Variants in DHRSX observed in about 807,000 individuals in gnomAD.
The protein encoded by DHRSX is dehydrogenase/reductase X-linked, also known as polyprenol dehydrogenase.
DHRSX carries 31 observed loss-of-function variants against 34.0 expected under a neutral mutation model. That is an observed-to-expected ratio of 0.91 (90% CI 0.69 to 1.23). DHRSX has a LOEUF of 1.23. Among genes scored for constraint, DHRSX ranks in the 50% most tolerant of loss-of-function variants. The pLI, the probability that DHRSX is intolerant of heterozygous loss-of-function variation, is 0.00. For synonymous variants in DHRSX, 201 were observed against 183.8 expected, an observed-to-expected ratio of 1.09 and a Z score of -0.76; for missense variants, 414 against 428.1, an observed-to-expected ratio of 0.97 and a Z score of 0.29.
At chrX:2,311,137 G>A (rs1469794222) in intron 3 of DHRSX, among the ~76,000 whole-genome samples, 3 of 151,668 alleles carry the variant, frequency 2.0e-5, no homozygotes, top group African/African-American at 4.8e-5. Flanking sequence ...GAGAGACAGA[G>A]AGAGAGAAAG....
chrX:2,379,195 G>A (rs766314885), intron 3 of DHRSX, among the ~76,000 whole-genome samples: 4 of 152,240 alleles, frequency 2.6e-5, no homozygotes, highest in African/African-American at 9.6e-5. Context: ...AGAGTCCCCT[G>A]TAAATGAATG....
intron 3 of DHRSX, among the ~76,000 whole-genome samples, chrX:2,385,214 C>T (rs1042168515): frequency 6.6e-6 from 1 of 151,990 alleles, no homozygotes; most frequent in African/African-American, 2.4e-5. Context: ...TCACCATCAT[C>T]ACCATCATCA....
chrX:2,384,938 A>G (rs2043252516), intron 3 of DHRSX, among the ~76,000 whole-genome samples: 1 of 148,842 alleles, frequency 6.7e-6, no homozygotes. Context: ...TTTAAAAAAA[A>G]AAAGAAAAAA....
intron 3 of DHRSX, among the ~76,000 whole-genome samples, chrX:2,297,562 G>A (rs973783253): frequency 2.6e-5 from 4 of 152,086 alleles, no homozygotes; most frequent in African/African-American, 4.8e-5. Flanking sequence ...GACATTAAAG[G>A]TTTTCAAATG....
intron 3 of DHRSX, among the ~76,000 whole-genome samples, chrX:2,395,098 C>T (rs748584429): frequency 2.6e-5 from 4 of 152,194 alleles, no homozygotes; most frequent in Admixed American, 2.0e-4. Context: ...AAAGATAAGC[C>T]ATCACTGGGG....
intron 3 of DHRSX, among the ~76,000 whole-genome samples, chrX:2,358,428 T>C (rs900229030): frequency 2.0e-5 from 3 of 152,248 alleles, no homozygotes; most frequent in African/African-American, 7.2e-5. Flanking sequence ...CCGGGCGCGG[T>C]GGCTCACACC....
At chrX:2,312,064 C>A (rs1482648521) in intron 3 of DHRSX, among the ~76,000 whole-genome samples, 1 of 152,128 alleles carries the variant, frequency 6.6e-6, no homozygotes, top group African/African-American at 2.4e-5. Flanking sequence ...GCTGCAAGCA[C>A]TGTAAGCTGT....
chrX:2,285,155 T>G (rs1304164427), intron 4 of DHRSX, among the ~76,000 whole-genome samples: 1 of 152,198 alleles, frequency 6.6e-6, no homozygotes, highest in Non-Finnish European at 1.5e-5. Flanking sequence ...GGTTTTGGGA[T>G]GATTCCGGGG....
At chrX:2,366,894 A>C (rs1050898459) in intron 3 of DHRSX, among the ~76,000 whole-genome samples, 5 of 151,874 alleles carry the variant, frequency 3.3e-5, no homozygotes, top group African/African-American at 1.2e-4. Flanking sequence ...GCCACCATGG[A>C]TCATTCGTGT....
intron 3 of DHRSX, among the ~76,000 whole-genome samples, chrX:2,340,471 T>C (rs2042627462): frequency 6.6e-6 from 1 of 151,980 alleles, no homozygotes; most frequent in Admixed American, 6.6e-5. Flanking sequence ...TATATATATA[T>C]ATGATGTCCA....
intron 1 of DHRSX, chrX:2,489,681 C>G (rs990528676): frequency 1.2e-6 from 2 of 1,612,512 alleles, no homozygotes; most frequent in Non-Finnish European, 1.7e-6. Flanking sequence ...CGGTTGCTCA[C>G]CAGCATGCAG....
intron 4 of DHRSX, among the ~76,000 whole-genome samples, chrX:2,274,462 G>A (rs1193028132): frequency 7.3e-5 from 11 of 150,352 alleles, no homozygotes; most frequent in Non-Finnish European, 7.4e-5. Flanking sequence ...TGTTGCCCAG[G>A]CTGGATTGCA....
intron 1 of DHRSX, chrX:2,487,269 A>T (rs2044965747): frequency 6.6e-6 from 1 of 152,206 alleles, no homozygotes; most frequent in Non-Finnish European, 1.5e-5. Context: ...CGGTAATCAA[A>T]TCAAAAACAC....
At chrX:2,345,665 A>G (rs1343752650) in intron 3 of DHRSX, among the ~76,000 whole-genome samples, 1 of 151,612 alleles carries the variant, frequency 6.6e-6, no homozygotes, top group Non-Finnish European at 1.5e-5. Flanking sequence ...CAAAAAAAAA[A>G]AAAAAAAAAT....
At chrX:2,485,131 A>C (rs1406182134) in intron 1 of DHRSX, among the ~76,000 whole-genome samples, 1 of 152,064 alleles carries the variant, frequency 6.6e-6, no homozygotes, top group East Asian at 1.9e-4. Context: ...CGAACCGAAA[A>C]ATCCCACCAC....
At chrX:2,446,839 A>T (rs1415506518) in intron 1 of DHRSX, among the ~76,000 whole-genome samples, 9 of 151,706 alleles carry the variant, frequency 5.9e-5, no homozygotes, top group African/African-American at 1.7e-4. Flanking sequence ...AAGGGACCGC[A>T]AGGAAGATGT....
At chrX:2,368,220 GCAA>G (rs1430968813) in intron 3 of DHRSX, among the ~76,000 whole-genome samples, 1 of 149,150 alleles carries the variant, frequency 6.7e-6, no homozygotes, top group Non-Finnish European at 1.5e-5. Context: ...TCCAGCCTGG[GCAA>G]CAGAATAAGA....
In DHRSX at chrX:2,447,869, T is replaced by C. The variant is rs753273604; in HGVS notation, c.110-22565A>G. 5.6e-5 allele frequency among the ~76,000 whole-genome samples: 5 copies of C among 89,446 alleles called. No individual in the cohort carries two copies. In the South Asian group the frequency reaches 1.7e-3, roughly 31 times the overall value. 58.7% of individuals were successfully genotyped at this position (89,446 alleles called of 152,430 possible). ...TGCAATGGTGGTTGCCAGGGAAGAA[T>C]GCTTCATGAAGTGTTTGTCAAAGAA... On this transcript the variant is annotated intron_variant, in intron 1 of 6. Coordinates refer to ENST00000334651, the MANE Select transcript of DHRSX (RefSeq NM_145177.3).
intron 3 of DHRSX, among the ~76,000 whole-genome samples, chrX:2,298,748 G>A (rs972821059): frequency 2.0e-5 from 3 of 151,886 alleles, no homozygotes; most frequent in African/African-American, 7.3e-5. Context: ...CACTTTGGGA[G>A]GCCGAGGCGG....
Sources: allele counts gnomAD v4.1 joint callset (sites outside exome capture counted in the v4.1 genomes callset), GRCh38; gene constraint gnomAD v4.1.1; transcripts MANE v1.5; gene names NCBI Gene and HGNC (gene_info 2026-07-23, HGNC 2026-07-21).